The following EIF4E2 variants were observed in gnomAD, a reference collection of about 807,000 sequenced individuals.
The protein encoded by EIF4E2 is eukaryotic translation initiation factor 4E type 2.
EIF4E2 carries 13 observed loss-of-function variants against 34.2 expected under a neutral mutation model. The ratio of observed to expected loss-of-function variants is 0.38; its 90% CI spans 0.25 to 0.60. The LOEUF is 0.60. Ranked by LOEUF, EIF4E2 falls within the 20% of genes least tolerant of loss-of-function variation. The pLI, the probability that EIF4E2 is intolerant of heterozygous loss-of-function variation, is 0.62. For missense variants in EIF4E2, 222 were observed against 315.1 expected (o/e 0.70, Z 2.24); for synonymous variants, 100 against 106.6 (o/e 0.94, Z 0.38).
At chr2:232,556,373 T>G (rs768378345) in intron 1 of EIF4E2, 43 bp from the exon 2 acceptor site, 1 of 1,533,654 alleles carries the variant, frequency 6.5e-7, no homozygotes, top group South Asian at 1.1e-5. Context: ...TAAGCAAGAA[T>G]TGACTTCGTC....
At chr2:232,569,700 A>C (rs528246809), downstream of EIF4E2, 1 of 152,448 alleles carries the variant, frequency 6.6e-6, no homozygotes, top group East Asian at 1.9e-4. Flanking sequence ...TGCCCAAGCC[A>C]CAGCTCTTTT....
intron 6 of EIF4E2, among the ~76,000 whole-genome samples, chr2:232,580,114 ACACACACACACAC>A (rs1443088854): frequency 6.6e-6 from 1 of 150,778 alleles, no homozygotes; most frequent in Non-Finnish European, 1.5e-5. Context: ...ACACACACAC[ACACACACACACAC>A]ACACACTTTC....
chr2:232,551,057 G>A (rs1692294424), intron 1 of EIF4E2: 1 of 624,186 alleles, frequency 1.6e-6, no homozygotes, highest in South Asian at 1.7e-5. Context: ...CGACGTGGAG[G>A]GGTGGGGACC....
Position 232,558,883 on chromosome 2 carries a change from G to C in EIF4E2, c.270+865G>C, listed in dbSNP as rs1692617092. 3.3e-5 allele frequency: 5 copies of C among 152,074 alleles called. No individual in the cohort carries two copies. In the South Asian group the frequency reaches 1.0e-3, roughly 32 times the overall value. The allele number at this position is 152,074 out of a possible 1,614,324, so 9.4% of individuals were successfully genotyped here. On this transcript the variant is annotated intron_variant, in intron 3 of 6. Coordinates refer to ENST00000258416, the MANE Select transcript of EIF4E2 (RefSeq NM_004846.4). ...TACTGGCAGTCAGAGAGCCCAGACT[G>C]TCTCATCTCTCTCCCAGGTGACTTG...
At chr2:232,574,299 C>T (rs761227324) in intron 6 of EIF4E2, 9 of 1,550,424 alleles carry the variant, frequency 5.8e-6, no homozygotes, top group Admixed American at 2.0e-5. Context: ...TGAACAGCAG[C>T]GGCCGCTGAT....
downstream of EIF4E2, among the ~76,000 whole-genome samples, chr2:232,571,460 C>T (rs901385636): frequency 1.5e-4 from 23 of 152,290 alleles, no homozygotes; most frequent in South Asian, 2.9e-3. Context: ...AAACTGGGCT[C>T]GGAGCCATAT....
At chr2:232,574,363 CTG>C (rs1261838413) in intron 6 of EIF4E2, 1 of 1,549,610 alleles carries the variant, frequency 6.5e-7, no homozygotes, top group Non-Finnish European at 8.7e-7. Flanking sequence ...TCTATCTTCT[CTG>C]TAACCCTGTG....
intron 6 of EIF4E2, 192 bp downstream of exon 6, chr2:232,567,406 A>T (rs746048506): frequency 3.1e-5 from 43 of 1,404,604 alleles, no homozygotes; most frequent in Non-Finnish European, 3.8e-5. Context: ...CTATACTACC[A>T]GGTGCTTTGT....
intron 6 of EIF4E2, among the ~76,000 whole-genome samples, chr2:232,579,549 C>T (rs553781640): frequency 6.6e-5 from 10 of 152,238 alleles, no homozygotes; most frequent in East Asian, 5.8e-4. Flanking sequence ...GTCAGCTGAC[C>T]GCCATCATGG....
At chr2:232,567,954 G>C in intron 6 of EIF4E2, 1 of 980,402 alleles carries the variant, frequency 1.0e-6, no homozygotes, top group Non-Finnish European at 1.2e-6. Flanking sequence ...AGGACTCTTA[G>C]GTTTAGTTCT....
At chr2:232,551,001 G>A (rs1692291034) in intron 1 of EIF4E2, 7 of 614,116 alleles carry the variant, frequency 1.1e-5, no homozygotes, top group Non-Finnish European at 2.0e-5. Context: ...CCGCCCGGTA[G>A]GGGGAGATTT....
chr2:232,559,449 A>AAATAAAT (rs1559315097), intron 3 of EIF4E2, among the ~76,000 whole-genome samples: 3,405 of 151,416 alleles, frequency 0.022, 132 homozygotes, highest in African/African-American at 0.058. Context: ...AAAAAATAAA[A>AAATAAAT]AAATAAAATA....
At chr2:232,550,832 T>A in intron 1 of EIF4E2, 88 bp downstream of exon 1, 1 of 1,279,670 alleles carries the variant, frequency 7.8e-7, no homozygotes, top group Non-Finnish European at 1.1e-6. Flanking sequence ...GCGCAAACCC[T>A]GCGGCACCGG....
chr2:232,581,161 A>G lies in EIF4E2; in HGVS notation c.*218A>G, dbSNP rs748306740. On this transcript the variant is annotated 3_prime_UTR_variant, in exon 7 of 7. Transcript: ENST00000409098. This position sits in a 1 kb window ranked among gnomAD's most constrained non-coding sequence, Gnocchi z 5.2. ...AACGGAAAACGTGACTTTGTAATAGACAAACATTGTTTTTTAATGGGGTTC... is the reference window on the plus strand; with the variant it reads ...AACGGAAAACGTGACTTTGTAATAGGCAAACATTGTTTTTTAATGGGGTTC... The G allele has an allele frequency of 2.3e-5, 16 of 688,696 alleles. No homozygotes were observed. The South Asian group carries it at 2.4e-4, about 10-fold the overall frequency. 42.7% of individuals were successfully genotyped at this position (688,696 alleles called of 1,614,324 possible).
chr2:232,581,167 A>G lies in EIF4E2; in HGVS notation c.*224A>G. 2 of 673,874 alleles carry G rather than the reference A, an allele frequency of 3.0e-6. No individual in the cohort carries two copies. The highest frequency in any genetic ancestry group is 2.9e-5 in the East Asian group (1 of 34,540). 41.7% of individuals were successfully genotyped at this position (673,874 alleles called of 1,614,324 possible). ...AAACGTGACTTTGTAATAGACAAAC[A>G]TTGTTTTTTAATGGGGTTCCATGGG... On this transcript the variant is annotated 3_prime_UTR_variant, in exon 7 of 7. Transcript: ENST00000409098. The surrounding 1 kb of genome is among the most constrained non-coding windows in gnomAD (Gnocchi z 5.2).
In EIF4E2 at chr2:232,557,670, T is replaced by G. The variant is rs1692572029; in HGVS notation, c.136-214T>G. The stretch of plus-strand genomic sequence containing the variant: ...ATGAGGGAGAAAGTTACAAAGGCCA[T>G]AAGAACACAGGTAAAGTGTTTCAGG... On this transcript the variant is annotated intron_variant, in intron 2 of 6. Coordinates refer to ENST00000258416, the MANE Select transcript of EIF4E2 (RefSeq NM_004846.4). 3 of 574,958 alleles carry G rather than the reference T, an allele frequency of 5.2e-6. No individual in the cohort carries two copies. The African/African-American group carries it at 5.6e-5, about 11-fold the overall frequency. The allele number at this position is 574,958 out of a possible 1,614,324, so 35.6% of individuals were successfully genotyped here. A position where few individuals can be genotyped will look rare whatever the true frequency, so the allele number is the denominator to read the frequency against.
At chr2:232,579,731 C>CA (rs1361991080) in intron 6 of EIF4E2, among the ~76,000 whole-genome samples, 1 of 152,124 alleles carries the variant, frequency 6.6e-6, no homozygotes, top group Non-Finnish European at 1.5e-5. Flanking sequence ...GAGACCATGA[C>CA]AGGAGGGTCA....
intron 6 of EIF4E2, among the ~76,000 whole-genome samples, chr2:232,575,016 G>A (rs912105622): frequency 6.6e-6 from 1 of 152,162 alleles, no homozygotes; most frequent in Non-Finnish European, 1.5e-5. Context: ...AGAGGGAGCT[G>A]GGTAAATTTA....
At chr2:232,582,588 C>T (rs901822143) in exon 7 of EIF4E2, 3 of 152,198 alleles carry the variant, frequency 2.0e-5, no homozygotes, top group Admixed American at 6.5e-5. Flanking sequence ...ACATGGAGAG[C>T]AAAGGCTGTC....
Sources: allele counts gnomAD v4.1 joint callset (sites outside exome capture counted in the v4.1 genomes callset), GRCh38; gene constraint gnomAD v4.1.1; non-coding constraint Gnocchi (gnomAD v3.1); transcripts MANE v1.5; gene names NCBI Gene and HGNC (gene_info 2026-07-23, HGNC 2026-07-21).